KAZN: variants seen among roughly 807,000 people sequenced by gnomAD.
KAZN encodes kazrin.
In KAZN, 40 loss-of-function variants were observed where a neutral mutation model predicts 87.4. The observed-to-expected ratio is 0.46, with a 90% CI of 0.36 to 0.60. The LOEUF is 0.60. Ranked by LOEUF, KAZN falls within the 20% of genes least tolerant of loss-of-function variation. KAZN has a pLI of 0.00. For missense variants in KAZN, 898 were observed against 1,073.9 expected (o/e 0.84, Z 2.29); for synonymous variants, 466 against 458.3 (o/e 1.02, Z -0.22).
chr1:14,518,959 C>T (rs1021532733), intron 2 of KAZN, among the ~76,000 whole-genome samples: 9 of 152,178 alleles, frequency 5.9e-5, no homozygotes, highest in Non-Finnish European at 1.2e-4. Context: ...GGGGACCCAA[C>T]TTCGGAGATC....
intron 1 of KAZN, among the ~76,000 whole-genome samples, chr1:14,689,880 C>A (rs1641180961): frequency 1.3e-5 from 2 of 152,306 alleles, no homozygotes; most frequent in South Asian, 4.1e-4. Context: ...AAGCTAGGCA[C>A]CTGTGTCACT....
At chr1:14,145,397 T>C (rs988963115) in intron 1 of KAZN, among the ~76,000 whole-genome samples, 3 of 151,942 alleles carry the variant, frequency 2.0e-5, no homozygotes, top group Admixed American at 2.0e-4. Flanking sequence ...TGAGCTATGA[T>C]TGCACTACTG....
chr1:14,606,165 A>G (rs1677341592), intron 1 of KAZN, among the ~76,000 whole-genome samples: 1 of 152,182 alleles, frequency 6.6e-6, no homozygotes, highest in Non-Finnish European at 1.5e-5. Flanking sequence ...CTGCCACATG[A>G]CTGAGCCAGG....
intron 1 of KAZN, among the ~76,000 whole-genome samples, chr1:13,895,865 C>T (rs763981571): frequency 2.6e-5 from 4 of 152,028 alleles, no homozygotes; most frequent in African/African-American, 7.2e-5. Flanking sequence ...ATGTTGGTCT[C>T]GCTGGTGTAA....
chr1:14,414,913 C>A (rs1460818702), intron 2 of KAZN, among the ~76,000 whole-genome samples: 4 of 152,146 alleles, frequency 2.6e-5, no homozygotes, highest in African/African-American at 7.2e-5. Context: ...GTAGCCCCAG[C>A]TACTTGGGAG....
intron 1 of KAZN, among the ~76,000 whole-genome samples, chr1:14,752,387 G>A (rs1247138477): frequency 2.6e-5 from 4 of 152,182 alleles, no homozygotes; most frequent in Non-Finnish European, 5.9e-5. Flanking sequence ...ACTTGTCTAA[G>A]TGAAGGGCAG....
At chr1:14,219,840 A>G (rs942615577) in intron 2 of KAZN, among the ~76,000 whole-genome samples, 1 of 152,142 alleles carries the variant, frequency 6.6e-6, no homozygotes, top group African/African-American at 2.4e-5. Context: ...AATATTTAGA[A>G]CCCACTGCCT....
At chr1:14,388,056 G>A (rs1445056917) in intron 2 of KAZN, among the ~76,000 whole-genome samples, 13 of 152,284 alleles carry the variant, frequency 8.5e-5, no homozygotes, top group East Asian at 1.9e-4. Context: ...CGCAGTATTC[G>A]GGTGGGAGTG....
intron 1 of KAZN, among the ~76,000 whole-genome samples, chr1:14,728,281 C>T (rs1324357385): frequency 1.0e-5 from 1 of 95,398 alleles, no homozygotes; most frequent in Non-Finnish European, 1.9e-5. Context: ...AGTGAAACAC[C>T]GTATATATAA....
At position 15,112,587 on chromosome 1, in the gene KAZN, A is replaced by AAGGTCTTCTTTTTCTTCTCCCAGCGGC. The variant is rs1553192516; in HGVS notation, c.2163+53_2163+54insCTTTTTCTTCTCCCAGCGGCAGGTCTT. On this transcript the variant is annotated intron_variant, in intron 14 of 14. Coordinates refer to ENST00000376030, the MANE Select transcript of KAZN (RefSeq NM_201628.3). ...ACCTGTGAGTCCTGCAGACCCGGGAAAGGTCTTTTTTTCTCCTCCCGGGAG... is the reference window on the plus strand; with the variant it reads ...ACCTGTGAGTCCTGCAGACCCGGGAAAGGTCTTCTTTTTCTTCTCCCAGCGGCAGGTCTTTTTTTCTCCTCCCGGGAG... 4.2e-5 allele frequency: 54 copies of AAGGTCTTCTTTTTCTTCTCCCAGCGGC among 1,293,784 alleles called. 1 individual carries two copies. The highest frequency in any genetic ancestry group is 5.7e-5 in the Non-Finnish European group (52 of 913,672). The allele number at this position is 1,293,784 out of a possible 1,614,324, so 80.1% of individuals were successfully genotyped here.
At chr1:13,946,847 G>A (rs997935679) in intron 1 of KAZN, among the ~76,000 whole-genome samples, 1 of 152,166 alleles carries the variant, frequency 6.6e-6, no homozygotes, top group Non-Finnish European at 1.5e-5. Flanking sequence ...TTTCATGTGT[G>A]TGGCTGCTGT....
chr1:14,392,070 A>G (rs1662486549), intron 2 of KAZN, among the ~76,000 whole-genome samples: 1 of 143,716 alleles, frequency 7.0e-6, no homozygotes, highest in South Asian at 2.2e-4. Flanking sequence ...GGAACAACAG[A>G]TTCCTTTAAC....
intron 2 of KAZN, among the ~76,000 whole-genome samples, chr1:14,318,052 T>C (rs1380923951): frequency 6.6e-6 from 1 of 152,092 alleles, no homozygotes; most frequent in Non-Finnish European, 1.5e-5. Context: ...ATAGATTTTG[T>C]TTCTGCATAT....
At chr1:14,509,647 G>A (rs967916683) in intron 2 of KAZN, among the ~76,000 whole-genome samples, 3 of 152,170 alleles carry the variant, frequency 2.0e-5, no homozygotes, top group Admixed American at 6.5e-5. Context: ...TGCATCACAC[G>A]CCAGGCCTGT....
At chr1:15,108,283 C>G (rs953531412) in intron 13 of KAZN, among the ~76,000 whole-genome samples, 4 of 152,198 alleles carry the variant, frequency 2.6e-5, no homozygotes, top group African/African-American at 7.2e-5. Context: ...TCTGTCCCAC[C>G]CCACCCTCAA....
At chr1:15,100,622 G>A (rs936319069) in intron 10 of KAZN, among the ~76,000 whole-genome samples, 39 of 152,196 alleles carry the variant, frequency 2.6e-4, no homozygotes, top group Admixed American at 7.8e-4. Flanking sequence ...AAGCACTTGC[G>A]CACCTGCTGT....
Position 14,883,362 on chromosome 1 carries a change from A to AGAAAG in KAZN, c.227-77321_227-77317dup, listed in dbSNP as rs1553150633. ...AGAGAGAAAGAAAGAAAGAAAAGAA[A>AGAAAG]GAAAGAAAGAAAGAAAGAAAGAAAG... On this transcript the variant is annotated intron_variant, in intron 1 of 14. Transcript: ENST00000376030. 4.1e-3 allele frequency among the ~76,000 whole-genome samples: 219 copies of AGAAAG among 53,982 alleles called. 25 individuals carry two copies. Among genetic ancestry groups the AGAAAG allele is most frequent in the South Asian group, 9.5e-3 (10 of 1,052 alleles). The allele number at this position is 53,982 out of a possible 152,430, so 35.4% of individuals were successfully genotyped here.
chr1:14,506,638 A>G (rs972559570), intron 2 of KAZN, among the ~76,000 whole-genome samples: 3 of 152,220 alleles, frequency 2.0e-5, no homozygotes, highest in African/African-American at 7.2e-5. Context: ...TGAATGAGGA[A>G]GCCCACATAA....
At chr1:14,704,820 C>T (rs1243032969) in intron 1 of KAZN, among the ~76,000 whole-genome samples, 1 of 152,166 alleles carries the variant, frequency 6.6e-6, no homozygotes, top group African/African-American at 2.4e-5. Flanking sequence ...GTCAAGTTAC[C>T]CATTGCCCTG....
Sources: allele counts gnomAD v4.1 joint callset (sites outside exome capture counted in the v4.1 genomes callset), GRCh38; gene constraint gnomAD v4.1.1; transcripts MANE v1.5; gene names NCBI Gene and HGNC (gene_info 2026-07-23, HGNC 2026-07-21).